MAN1C1: variants seen among roughly 807,000 people sequenced by gnomAD.
MAN1C1 encodes mannosyl-oligosaccharide 1,2-alpha-mannosidase IC.
MAN1C1 carries 49 observed loss-of-function variants against 71.5 expected under a neutral mutation model. The ratio of observed to expected loss-of-function variants is 0.69; its 90% CI spans 0.54 to 0.87. The LOEUF (loss-of-function observed/expected upper bound fraction) is 0.87. Ranked by LOEUF, MAN1C1 falls within the 40% of genes least tolerant of loss-of-function variation. The pLI, the probability that MAN1C1 is intolerant of heterozygous loss-of-function variation, is 0.00. For missense variants in MAN1C1, 743 were observed against 835.0 expected (o/e 0.89, Z 1.36); for synonymous variants, 352 against 343.7 (o/e 1.02, Z -0.27).
intron 11 of MAN1C1, among the ~76,000 whole-genome samples, 199 bp from the exon 12 acceptor site, chr1:25,783,464 A>G (rs1041074542): frequency 6.6e-6 from 1 of 152,100 alleles, no homozygotes; most frequent in Non-Finnish European, 1.5e-5. Context: ...CCCAAAGCTC[A>G]AGGCTTTTCT....
At chr1:25,729,013 G>A (rs1233781897) in intron 2 of MAN1C1, among the ~76,000 whole-genome samples, 3 of 152,176 alleles carry the variant, frequency 2.0e-5, no homozygotes, top group Non-Finnish European at 1.5e-5. Context: ...CAGCCTTCTC[G>A]GCAGCCTCTT....
Position 25,618,014 on chromosome 1 carries a change from G to GC in MAN1C1, c.221dup (p.Ala75GlyfsTer21). ...AGTGGTGGCTGAAATCGCCGGCCATGCCCCGGCCCGCGAGCAGGAGCCGCC... is the reference window on the plus strand; with the variant it reads ...AGTGGTGGCTGAAATCGCCGGCCATGCCCCCGGCCCGCGAGCAGGAGCCGCC... On this transcript the variant is annotated frameshift_variant, in exon 1 of 12. Transcript: ENST00000374332. LOFTEE classifies it high-confidence loss of function. The GC allele has an allele frequency of 6.2e-7, 1 of 1,600,286 alleles. No individual in the cohort carries two copies. Among genetic ancestry groups the GC allele is most frequent in the Non-Finnish European group, 8.5e-7 (1 of 1,175,384 alleles).
Position 25,746,761 on chromosome 1 carries a change from G to C in MAN1C1, c.731G>C (p.Gly244Ala). The change falls in exon 3 of 12, where the codon GGA (glycine) becomes GCA (alanine). Residue 244 changes from glycine (G) to alanine (A), a missense_variant. By Grantham distance (60) the Gly-to-Ala change is moderately conservative (BLOSUM62 0). Coordinates refer to ENST00000374332, the MANE Select transcript of MAN1C1 (RefSeq NM_020379.4). The surrounding 1 kb of genome is among the most constrained non-coding windows in gnomAD (Gnocchi z 4.0). Reference sequence around the variant, plus strand: ...TTCCAGGAGGCCAAGGCCTGGGTGGGAGAGAGCTTCCACCTGAACGTGGTG... The same window carrying C: ...TTCCAGGAGGCCAAGGCCTGGGTGGCAGAGAGCTTCCACCTGAACGTGGTG... Reference protein sequence around the residue: ...EEFQEAKAWVGESFHLNVSGE... With the variant: ...EEFQEAKAWVAESFHLNVSGE... 6.6e-7 allele frequency: 1 copy of C among 1,508,458 alleles called. No homozygotes were observed. The allele number at this position is 1,508,458 out of a possible 1,614,324, so 93.4% of individuals were successfully genotyped here. A position where few individuals can be genotyped will look rare whatever the true frequency, so the allele number is the denominator to read the frequency against.
intron 2 of MAN1C1, among the ~76,000 whole-genome samples, chr1:25,739,417 C>T (rs1050424438): frequency 3.3e-5 from 5 of 152,204 alleles, no homozygotes; most frequent in Non-Finnish European, 5.9e-5. Context: ...AAATTAAATG[C>T]AGCCATTAGT....
intron 2 of MAN1C1, among the ~76,000 whole-genome samples, chr1:25,732,327 G>A (rs1175372941): frequency 3.3e-5 from 5 of 152,188 alleles, no homozygotes; most frequent in Non-Finnish European, 7.4e-5. Flanking sequence ...AGTTGTGCAG[G>A]AATGGAATGG....
intron 2 of MAN1C1, among the ~76,000 whole-genome samples, chr1:25,723,593 G>A (rs372887339): frequency 2.8e-4 from 43 of 152,020 alleles, no homozygotes; most frequent in Non-Finnish European, 3.1e-4. Flanking sequence ...AAATTATACC[G>A]TTGTCTTAGT....
chr1:25,634,466 C>A lies in MAN1C1; in HGVS notation c.540+16129C>A, dbSNP rs1051415520. Among the ~76,000 whole-genome samples, 7 of 152,122 alleles carry A rather than the reference C, an allele frequency of 4.6e-5. No homozygotes were observed. Among genetic ancestry groups the A allele is most frequent in the African/African-American group, 1.7e-4 (7 of 41,424 alleles). On this transcript the variant is annotated intron_variant, in intron 1 of 11. Coordinates refer to ENST00000374332, the MANE Select transcript of MAN1C1 (RefSeq NM_020379.4). The surrounding 1 kb of genome is among the most constrained non-coding windows in gnomAD (Gnocchi z 4.6). ...ATTTTGTCACATGCTTTTTCTGCAT[C>A]TATGGAGATTATATTGTTTTCCTCT...
intron 2 of MAN1C1, among the ~76,000 whole-genome samples, chr1:25,715,224 C>T (rs1340936678): frequency 2.6e-5 from 4 of 152,162 alleles, no homozygotes; most frequent in Non-Finnish European, 5.9e-5. Context: ...TAATTGGGCC[C>T]ATGGCTCTGC....
At chr1:25,689,084 G>C (rs1324181697) in intron 2 of MAN1C1, among the ~76,000 whole-genome samples, 2 of 152,226 alleles carry the variant, frequency 1.3e-5, no homozygotes, top group Admixed American at 6.5e-5. Context: ...AGCCGGTCTT[G>C]ATTGACTCCT....
intron 1 of MAN1C1, among the ~76,000 whole-genome samples, chr1:25,638,638 A>G (rs1401021082): frequency 6.6e-6 from 1 of 152,040 alleles, no homozygotes; most frequent in African/African-American, 2.4e-5. Flanking sequence ...CTTTATTTCA[A>G]AAGGGTATTT....
At chr1:25,729,690 T>C (rs2046883981) in intron 2 of MAN1C1, among the ~76,000 whole-genome samples, 2 of 152,056 alleles carry the variant, frequency 1.3e-5, no homozygotes, top group Admixed American at 6.5e-5. Flanking sequence ...TTTTATATTT[T>C]TAATAGAGAC....
Position 25,658,533 on chromosome 1 carries a change from C to T in MAN1C1, c.541-27907C>T, listed in dbSNP as rs187041154. On this transcript the variant is annotated intron_variant, in intron 1 of 11. Coordinates refer to ENST00000374332, the MANE Select transcript of MAN1C1 (RefSeq NM_020379.4). The stretch of plus-strand genomic sequence containing the variant: ...TGGCACCATCTCAGCTCACTGCAAC[C>T]TCTGCCTCCCAGGCTCAAACCATCC... Among the ~76,000 whole-genome samples, 11 of 152,282 alleles carry T rather than the reference C, an allele frequency of 7.2e-5. No individual in the cohort carries two copies. In the East Asian group the frequency reaches 1.7e-3, roughly 24 times the overall value.
At chr1:25,684,581 G>A (rs760167386) in intron 1 of MAN1C1, among the ~76,000 whole-genome samples, 2 of 152,188 alleles carry the variant, frequency 1.3e-5, no homozygotes, top group East Asian at 1.9e-4. Context: ...GCCATTTCAC[G>A]GAGAGTCCAG....
chr1:25,702,055 G>A (rs2046451558), intron 2 of MAN1C1, among the ~76,000 whole-genome samples: 1 of 152,168 alleles, frequency 6.6e-6, no homozygotes, highest in African/African-American at 2.4e-5. Context: ...GCTAGATGCT[G>A]TCTCAAAAAA....
intron 1 of MAN1C1, among the ~76,000 whole-genome samples, chr1:25,651,336 C>G (rs753547444): frequency 1.3e-5 from 2 of 152,192 alleles, no homozygotes; most frequent in African/African-American, 2.4e-5. Flanking sequence ...CCGGCCTGCA[C>G]TGGCCTTGCA....
Position 25,783,740 on chromosome 1 carries a change from T to G in MAN1C1, c.1844T>G (p.Leu615Arg). The change falls in exon 12 of 12, where the codon CTC (leucine) becomes CGC (arginine). Residue 615 changes from leucine to arginine, a missense_variant. Leu to Arg is a moderately radical substitution (Grantham distance 102). Transcript: ENST00000374332. Reference protein sequence around the residue: ...DWVFNTEAHPLPVNHSDSSGR... With the variant: ...DWVFNTEAHPRPVNHSDSSGR... ...GTGTTCAACACCGAGGCCCACCCAC[T>G]CCCGGTGAACCACTCAGACAGCTCC... 6.2e-7 allele frequency: 1 copy of G among 1,613,114 alleles called. No homozygotes were observed. The highest frequency in any genetic ancestry group is 8.5e-7 in the Non-Finnish European group (1 of 1,180,002).
intron 2 of MAN1C1, among the ~76,000 whole-genome samples, chr1:25,737,873 G>A (rs1185784980): frequency 6.6e-6 from 1 of 152,176 alleles, no homozygotes; most frequent in Non-Finnish European, 1.5e-5. Context: ...AGGCACGCCA[G>A]GGAGTCTGAG....
At chr1:25,708,584 C>T (rs1364610299) in intron 2 of MAN1C1, among the ~76,000 whole-genome samples, 1 of 152,164 alleles carries the variant, frequency 6.6e-6, no homozygotes, top group African/African-American at 2.4e-5. Flanking sequence ...TACCCAGTCC[C>T]TATTCAAGAT....
At position 25,750,971 on chromosome 1, in the gene MAN1C1, CT is replaced by C. The variant is rs2047206167; in HGVS notation, c.834+1638del. Among the ~76,000 whole-genome samples the C allele has an allele frequency of 2.0e-5, 3 of 152,226 alleles. No homozygotes were observed. In the South Asian group the frequency reaches 6.2e-4, roughly 32 times the overall value. On this transcript the variant is annotated intron_variant, in intron 4 of 11. Coordinates refer to ENST00000374332, the MANE Select transcript of MAN1C1 (RefSeq NM_020379.4). ...GACACATTGCTTCTTCCTTCCCTCT[CT>C]TCCATCCATCTTTCCTCCCTTCCGT... is the stretch of plus-strand genomic sequence containing the variant.
Sources: gnomAD v4.1 joint callset for allele counts (sites outside exome capture counted in the v4.1 genomes callset) on GRCh38, gnomAD v4.1.1 for gene constraint, Gnocchi (gnomAD v3.1) non-coding constraint, MANE v1.5 for transcripts, NCBI Gene and HGNC (gene_info 2026-07-23, HGNC 2026-07-21) for gene names.